The following ZNF200 variants were observed in gnomAD, a reference collection of about 807,000 sequenced individuals.
ZNF200 encodes zinc finger protein 200.
A neutral mutation model predicts 33.6 loss-of-function variants in ZNF200; 35 were observed. The observed-to-expected ratio is 1.04, with a 90% CI of 0.80 to 1.38. The LOEUF (loss-of-function observed/expected upper bound fraction) is 1.38. ZNF200 is among the 40% of genes most tolerant of loss of function. The pLI, the probability that ZNF200 is intolerant of heterozygous loss-of-function variation, is 0.00. For missense variants in ZNF200, 592 were observed against 470.6 expected (o/e 1.26, Z -2.39); for synonymous variants, 209 against 167.7 (o/e 1.25, Z -1.90).
intron 4 of ZNF200, chr16:3,226,908 T>C (rs1288190639): frequency 1.3e-5 from 2 of 152,212 alleles, no homozygotes; most frequent in African/African-American, 4.8e-5. Flanking sequence ...TGTGTTTTTA[T>C]TTCTATAAAT....
Position 3,222,509 on chromosome 16 carries a change from A to G in ZNF200, c.*1383T>C, listed in dbSNP as rs1243006746. Reference sequence around the variant, plus strand: ...TATAATGGAAAAAACTACAATAACAAAATTGTGTAAAACAAGTGAAGAAAA... The same window carrying G: ...TATAATGGAAAAAACTACAATAACAGAATTGTGTAAAACAAGTGAAGAAAA... On this transcript the variant is annotated 3_prime_UTR_variant, in exon 5 of 5. Coordinates refer to ENST00000414144, the MANE Select transcript of ZNF200 (RefSeq NM_198088.3). The G allele has an allele frequency of 6.6e-6, 1 of 152,238 alleles. No individual in the cohort carries two copies. The highest frequency in any genetic ancestry group is 1.9e-4 in the East Asian group (1 of 5,202). 9.4% of individuals were successfully genotyped at this position (152,238 alleles called of 1,614,324 possible). A position where few individuals can be genotyped will look rare whatever the true frequency, so the allele number is the denominator to read the frequency against.
At chr16:3,232,793 G>T (rs747423250) in intron 3 of ZNF200, 40 bp downstream of exon 3, 1 of 1,599,318 alleles carries the variant, frequency 6.3e-7, no homozygotes, top group African/African-American at 1.3e-5. Context: ...AAGCACGGAA[G>T]GTGATGGATT....
At chr16:3,234,926 G>A (rs1233105739) in intron 1 of ZNF200, 61 bp downstream of exon 1, 1 of 152,354 alleles carries the variant, frequency 6.6e-6, no homozygotes, top group East Asian at 1.9e-4. Context: ...CTCAGCAACG[G>A]ACACGCTCCG....
In ZNF200 at chr16:3,224,074, A is replaced by G. The variant is rs761433306; in HGVS notation, c.1006T>C (p.Phe336Leu). The change falls in exon 5 of 5, where the codon TTT becomes CTT. Residue 336 changes from phenylalanine to leucine, a missense_variant. Coordinates refer to ENST00000414144, the MANE Select transcript of ZNF200 (RefSeq NM_198088.3). ...HEGIHIREKI[F>L]KCPECGKTFP... ...GTTTTCCCACATTCTGGACACTTAA[A>G]TATCTTCTCCCTTATATGGATTCCT... 19 of 1,614,010 alleles carry G rather than the reference A, an allele frequency of 1.2e-5. No individual in the cohort carries two copies. The highest frequency in any genetic ancestry group is 1.5e-5 in the Non-Finnish European group (18 of 1,180,036).
Position 3,233,361 on chromosome 16 carries a change from G to A in ZNF200, c.250+145C>T, listed in dbSNP as rs1958696738. The A allele has an allele frequency of 1.4e-5, 16 of 1,175,174 alleles. 1 individual carries two copies. The East Asian group carries it at 3.9e-4, about 29-fold the overall frequency. The allele number at this position is 1,175,174 out of a possible 1,614,324, so 72.8% of individuals were successfully genotyped here. ...GGCCTTACTCACACCCAGCACTTGA[G>A]AAGAACTTCCTCTTTCCAACACTAG... is the stretch of plus-strand genomic sequence containing the variant. On this transcript the variant is annotated intron_variant, in intron 2 of 4. Coordinates refer to ENST00000414144, the MANE Select transcript of ZNF200 (RefSeq NM_198088.3).
Position 3,233,487 on chromosome 16 carries a change from A to AC in ZNF200, c.250+18dup. On this transcript the variant is annotated intron_variant, in intron 2 of 4. Coordinates refer to ENST00000414144, the MANE Select transcript of ZNF200 (RefSeq NM_198088.3). ...TACCTCCTCCTCCTCTTCTAGTGAA[A>AC]CAAGCATGTGCTTCTCACCTCTGTT... 6.6e-7 allele frequency: 1 copy of AC among 1,504,398 alleles called. No homozygotes were observed. Among genetic ancestry groups the AC allele is most frequent in the African/African-American group, 1.4e-5 (1 of 70,994 alleles). 93.2% of individuals were successfully genotyped at this position (1,504,398 alleles called of 1,614,324 possible).
In ZNF200 at chr16:3,226,047, C is replaced by CTTTTTTTT. The variant is rs1178922643; in HGVS notation, c.467-1435_467-1434insAAAAAAAA. 5.1e-5 allele frequency: 2 copies of CTTTTTTTT among 39,496 alleles called. 1 individual carries two copies. The highest frequency in any genetic ancestry group is 1.0e-4 in the Non-Finnish European group (2 of 19,172). 2.4% of individuals were successfully genotyped at this position (39,496 alleles called of 1,614,324 possible). A position where few individuals can be genotyped will look rare whatever the true frequency, so the allele number is the denominator to read the frequency against. On this transcript the variant is annotated intron_variant, in intron 4 of 4. Transcript: ENST00000414144. ...CCACACCCAGCCTTAATTATTTTTT[C>CTTTTTTTT]TTTCTTTTTTTTTTTTTTTTTTTGA...
Position 3,233,519 on chromosome 16 carries a change from G to C in ZNF200, c.237C>G (p.Ser79Arg), listed in dbSNP as rs1206356809. Residue 79 changes from serine (S) to arginine (R), a missense_variant, in exon 2 of 5, where the codon AGC becomes AGG. Ser to Arg is a moderately radical substitution (Grantham distance 110). Transcript: ENST00000414144. ...TGTGCTTCTCACCTCTGTTCTGAAG[G>C]CTTGAGCTCACATCTTTCATAATAA... The part of the protein sequence containing the change: ...TLVIMKDVSS[S>R]LQNRVHPRPL... 1 of 1,558,876 alleles carries C rather than the reference G, an allele frequency of 6.4e-7. No individual in the cohort carries two copies. The highest frequency in any genetic ancestry group is 8.7e-7 in the Non-Finnish European group (1 of 1,153,816).
At chr16:3,232,192 T>A (rs1958652233) in intron 4 of ZNF200, among the ~76,000 whole-genome samples, 1 of 152,136 alleles carries the variant, frequency 6.6e-6, no homozygotes, top group Non-Finnish European at 1.5e-5. Context: ...CTGCAGGTTT[T>A]CCCTACCTCT....
At chr16:3,231,632 C>A (rs755272801) in intron 4 of ZNF200, among the ~76,000 whole-genome samples, 22 of 152,214 alleles carry the variant, frequency 1.4e-4, no homozygotes, top group Non-Finnish European at 2.9e-4. Context: ...CTGGGGGACA[C>A]TTGTCAACTA....
At position 3,224,083 on chromosome 16, in the gene ZNF200, C is replaced by A. The variant is rs967063481; in HGVS notation, c.997G>T (p.Glu333Ter). The change falls in exon 5 of 5, where the codon GAG becomes TAG. Residue 333 changes from glutamate (E) to a stop codon, truncating the protein, a stop_gained. Coordinates refer to ENST00000414144, the MANE Select transcript of ZNF200 (RefSeq NM_198088.3). LOFTEE classifies it high-confidence loss of function. The stretch of plus-strand genomic sequence containing the variant: ...CATTCTGGACACTTAAATATCTTCT[C>A]CCTTATATGGATTCCTTCATGACGA... ...RSRHEGIHIR[E>*]KIFKCPECGK... 2 of 1,614,142 alleles carry A rather than the reference C, an allele frequency of 1.2e-6. No individual in the cohort carries two copies. Among genetic ancestry groups the A allele is most frequent in the South Asian group, 2.2e-5 (2 of 91,080 alleles).
chr16:3,229,848 A>T (rs1958588656), intron 4 of ZNF200, among the ~76,000 whole-genome samples: 1 of 149,104 alleles, frequency 6.7e-6, no homozygotes, highest in African/African-American at 2.5e-5. Flanking sequence ...CCTAGGTGAC[A>T]GCGAGACTCC....
chr16:3,232,953 A>T, intron 2 of ZNF200, 32 bp from the exon 3 acceptor site: 1 of 1,593,848 alleles, frequency 6.3e-7, no homozygotes, highest in African/African-American at 1.3e-5. Context: ...GTTAGTGAAA[A>T]ACTCAGTGAC....
At chr16:3,233,311 G>C (rs888605848) in intron 2 of ZNF200, among the ~76,000 whole-genome samples, 195 bp downstream of exon 2, 3 of 152,176 alleles carry the variant, frequency 2.0e-5, no homozygotes, top group Non-Finnish European at 4.4e-5. Context: ...TGACACTACA[G>C]AAAGATGCAC....
chr16:3,233,130 G>A (rs1394792790), intron 2 of ZNF200, among the ~76,000 whole-genome samples: 1 of 152,082 alleles, frequency 6.6e-6, no homozygotes, highest in East Asian at 1.9e-4. Context: ...ACTTCTCTAA[G>A]CACCTTTCAG....
chr16:3,230,534 G>T (rs937140506), intron 4 of ZNF200, among the ~76,000 whole-genome samples: 15 of 152,152 alleles, frequency 9.9e-5, no homozygotes, highest in Non-Finnish European at 2.2e-4. Flanking sequence ...TTATCTTACT[G>T]AAAATCTGTT....
At position 3,224,326 on chromosome 16, in the gene ZNF200, A is replaced by T. The variant is rs1257166255; in HGVS notation, c.754T>A (p.Tyr252Asn). The T allele has an allele frequency of 6.2e-7, 1 of 1,614,204 alleles. No homozygotes were observed. The highest frequency in any genetic ancestry group is 1.1e-5 in the South Asian group (1 of 91,086). ...LTRNRRTRRW[Y>N]TCPLCGKQFN... is the part of the protein sequence containing the mutation. Reference sequence around the variant, plus strand: ...TGTTTCCCACACAGTGGACAAGTGTACCATCTCCTTGTCCTCCGATTTCGA... The same window carrying T: ...TGTTTCCCACACAGTGGACAAGTGTTCCATCTCCTTGTCCTCCGATTTCGA... Residue 252 changes from tyrosine to asparagine, a missense_variant, in exon 5 of 5, where the codon TAC becomes AAC. Coordinates refer to ENST00000414144, the MANE Select transcript of ZNF200 (RefSeq NM_198088.3).
rs752193274 is a variant in ZNF200, at chr16:3,233,702, T to C, written c.54A>G (p.Ile18Met). 1.2e-6 allele frequency: 2 copies of C among 1,613,694 alleles called. No individual in the cohort carries two copies. The highest frequency in any genetic ancestry group is 2.2e-5 in the East Asian group (1 of 44,878). The change falls in exon 2 of 5, where the codon ATA becomes ATG. Residue 18 changes from isoleucine (I) to methionine (M), a missense_variant. Ile to Met is a conservative substitution (Grantham distance 10). Coordinates refer to ENST00000414144, the MANE Select transcript of ZNF200 (RefSeq NM_198088.3). ...GCTTGGAGTCTGGCGGAACTCTCAG[T>C]ATAAAGGACTGCTTTGGCTTTGGGG... ...PMPPKPKQSF[I>M]LRVPPDSKLG...
intron 4 of ZNF200, among the ~76,000 whole-genome samples, chr16:3,231,342 A>G (rs1164199633): frequency 3.3e-5 from 5 of 152,234 alleles, no homozygotes; most frequent in Non-Finnish European, 7.3e-5. Flanking sequence ...AACTACACTC[A>G]TTACATACCA....
Sources: gnomAD v4.1 joint callset for allele counts (sites outside exome capture counted in the v4.1 genomes callset) on GRCh38, gnomAD v4.1.1 for gene constraint, MANE v1.5 for transcripts, NCBI Gene and HGNC (gene_info 2026-07-23, HGNC 2026-07-21) for gene names.